The following POC1A variants were observed in gnomAD, a reference collection of about 807,000 sequenced individuals.
The protein encoded by POC1A is POC1 centriolar protein homolog A.
Under a neutral mutation model 47.8 loss-of-function variants are expected in POC1A, and 34 were observed. The ratio of observed to expected loss-of-function variants is 0.71; its 90% CI spans 0.54 to 0.95. The LOEUF (loss-of-function observed/expected upper bound fraction) is 0.95, where lower values mean the gene tolerates loss of function less well. Among genes scored for constraint, POC1A ranks in the 40% least tolerant of loss-of-function variants. POC1A has a pLI of 0.00. For synonymous variants in POC1A, 177 were observed against 207.6 expected (o/e 0.85, Z 1.27); for missense variants, 466 against 528.3 (o/e 0.88, Z 1.16).
rs1698662947 is a variant in POC1A, at chr3:52,154,416, G to T, written c.-44C>A. 7.1e-7 allele frequency: 1 copy of T among 1,411,256 alleles called. No individual in the cohort carries two copies. Among genetic ancestry groups the T allele is most frequent in the Non-Finnish European group, 9.2e-7 (1 of 1,087,070 alleles). 87.4% of individuals were successfully genotyped at this position (1,411,256 alleles called of 1,614,324 possible). A position where few individuals can be genotyped will look rare whatever the true frequency, so the allele number is the denominator to read the frequency against. ...GAAGGCAGCTGCGGTGGCCGTTGCG[G>T]CCCGTTCAGTTTCCGCGCCCCCAAC... On this transcript the variant is annotated 5_prime_UTR_variant, in exon 1 of 11. Transcript: ENST00000296484.
chr3:52,097,005 G>A (rs1202541295), intron 9 of POC1A, among the ~76,000 whole-genome samples: 1 of 152,250 alleles, frequency 6.6e-6, no homozygotes, highest in East Asian at 1.9e-4. Flanking sequence ...GCCTCAGCCT[G>A]CTCTTGGAGC....
At chr3:52,101,035 A>G (rs1379306767) in intron 9 of POC1A, among the ~76,000 whole-genome samples, 2 of 150,000 alleles carry the variant, frequency 1.3e-5, no homozygotes, top group Admixed American at 6.6e-5. Flanking sequence ...AGGGAGACAG[A>G]GTCTGCTTAA....
At chr3:52,100,335 G>T (rs537763072) in intron 9 of POC1A, among the ~76,000 whole-genome samples, 1 of 152,328 alleles carries the variant, frequency 6.6e-6, no homozygotes, top group Non-Finnish European at 1.5e-5. Context: ...AATTGACCGT[G>T]ATCTCCCTCT....
At chr3:52,150,868 G>C in intron 2 of POC1A, 148 bp downstream of exon 2, 1 of 680,954 alleles carries the variant, frequency 1.5e-6, no homozygotes, top group Non-Finnish European at 2.6e-6. Context: ...AGTGCCCAAA[G>C]AGCTGGCAAG....
Position 52,084,352 on chromosome 3 carries a change from C to G in POC1A, c.1126-8367G>C, listed in dbSNP as rs1461012121. Among the ~76,000 whole-genome samples the G allele has an allele frequency of 6.6e-6, 1 of 152,186 alleles. No homozygotes were observed. Among genetic ancestry groups the G allele is most frequent in the Non-Finnish European group, 1.5e-5 (1 of 68,034 alleles). On this transcript the variant is annotated intron_variant, in intron 10 of 10. Transcript: ENST00000296484. The surrounding 1 kb of genome is among the most constrained non-coding windows in gnomAD (Gnocchi z 4.3). ...GCAAACATGGCAGGGAAGCTGGAGC[C>G]GTAACTTCTCCAAAACTGAGGAGTT...
At chr3:52,131,664 C>G (rs992427712) in intron 7 of POC1A, among the ~76,000 whole-genome samples, 2 of 152,192 alleles carry the variant, frequency 1.3e-5, no homozygotes, top group Admixed American at 6.5e-5. Context: ...AGCAAACCCA[C>G]GAGGGCAGCT....
At chr3:52,109,489 AAAC>A (rs1703306688) in intron 9 of POC1A, among the ~76,000 whole-genome samples, 1 of 152,040 alleles carries the variant, frequency 6.6e-6, no homozygotes, top group Non-Finnish European at 1.5e-5. Flanking sequence ...TAATTAAAAC[AAAC>A]AAACAAAAAA....
chr3:52,099,110 C>T (rs550871092), intron 9 of POC1A, among the ~76,000 whole-genome samples: 2 of 152,290 alleles, frequency 1.3e-5, no homozygotes, highest in African/African-American at 2.4e-5. Context: ...ATGCTTTTTG[C>T]GTCACTTCCC....
intron 10 of POC1A, among the ~76,000 whole-genome samples, chr3:52,095,590 C>G (rs548101503): frequency 6.6e-6 from 1 of 151,982 alleles, no homozygotes; most frequent in Middle Eastern, 3.2e-3. Context: ...CTTGCAGCCT[C>G]GCTCTACCCA....
chr3:52,100,736 C>T (rs943596090), intron 9 of POC1A, among the ~76,000 whole-genome samples: 3 of 152,078 alleles, frequency 2.0e-5, no homozygotes, highest in Non-Finnish European at 1.5e-5. Flanking sequence ...CTCCACAGAC[C>T]TCCACTGGGC....
Position 52,136,204 on chromosome 3 carries a change from A to G in POC1A, c.813+1965T>C, listed in dbSNP as rs577064555. 9.9e-5 allele frequency among the ~76,000 whole-genome samples: 15 copies of G among 152,222 alleles called. No homozygotes were observed. In the South Asian group the frequency reaches 3.1e-3, roughly 32 times the overall value. On this transcript the variant is annotated intron_variant, in intron 7 of 10. Transcript: ENST00000296484. Reference sequence around the variant, plus strand: ...AACCCTTAAAACTTGTGGTAAATCAATCCTAAGTTCCTGTATTTGATAGGG... The same window carrying G: ...AACCCTTAAAACTTGTGGTAAATCAGTCCTAAGTTCCTGTATTTGATAGGG...
intron 7 of POC1A, among the ~76,000 whole-genome samples, chr3:52,133,101 GT>G (rs927518056): frequency 6.6e-6 from 1 of 152,148 alleles, no homozygotes; most frequent in African/African-American, 2.4e-5. Context: ...GTTGGGAGGT[GT>G]GGCCTTTGGG....
At chr3:52,110,025 G>A (rs1163663459) in intron 9 of POC1A, among the ~76,000 whole-genome samples, 1 of 151,976 alleles carries the variant, frequency 6.6e-6, no homozygotes, top group Non-Finnish European at 1.5e-5. Flanking sequence ...TGACAAATAA[G>A]GCCAGAAGGT....
rs764617594 is a variant in POC1A at position 52,154,394 on chromosome 3, G to T, written c.-22C>A. 3 of 1,460,214 alleles carry T rather than the reference G, an allele frequency of 2.1e-6. No homozygotes were observed. The African/African-American group carries it at 4.5e-5, about 22-fold the overall frequency. 90.5% of individuals were successfully genotyped at this position (1,460,214 alleles called of 1,614,324 possible). A position where few individuals can be genotyped will look rare whatever the true frequency, so the allele number is the denominator to read the frequency against. On this transcript the variant is annotated 5_prime_UTR_variant, in exon 1 of 11. Coordinates refer to ENST00000296484, the MANE Select transcript of POC1A (RefSeq NM_015426.5). ...CCATGGCGGGGCTGGCGGCGCCGAA[G>T]GCAGCTGCGGTGGCCGTTGCGGCCC...
chr3:52,091,710 C>T (rs1163009118), intron 10 of POC1A, among the ~76,000 whole-genome samples: 2 of 152,230 alleles, frequency 1.3e-5, no homozygotes, highest in South Asian at 4.1e-4. Flanking sequence ...GGAATGTCCA[C>T]TCCTGTCATT....
At chr3:52,103,910 A>G (rs1210283160) in intron 9 of POC1A, among the ~76,000 whole-genome samples, 1 of 152,240 alleles carries the variant, frequency 6.6e-6, no homozygotes, top group South Asian at 2.1e-4. Context: ...GTAAGATGGC[A>G]TAACCATTTT....
chr3:52,109,060 C>T (rs1438265965), intron 9 of POC1A, among the ~76,000 whole-genome samples: 1 of 152,170 alleles, frequency 6.6e-6, no homozygotes, highest in African/African-American at 2.4e-5. Context: ...CAAGACAGCT[C>T]CAGGCCAAAG....
chr3:52,122,009 C>T (rs1360713648), intron 9 of POC1A, among the ~76,000 whole-genome samples: 1 of 152,184 alleles, frequency 6.6e-6, no homozygotes, highest in Non-Finnish European at 1.5e-5. Flanking sequence ...GCTTCAGGCC[C>T]TGAACCCTCT....
At chr3:52,118,969 A>C (rs1013487098) in intron 9 of POC1A, among the ~76,000 whole-genome samples, 1 of 152,114 alleles carries the variant, frequency 6.6e-6, no homozygotes, top group African/African-American at 2.4e-5. Flanking sequence ...CCAATTTTTA[A>C]GTGAAGAAAA....
Sources: gnomAD v4.1 joint callset for allele counts (sites outside exome capture counted in the v4.1 genomes callset) on GRCh38, gnomAD v4.1.1 for gene constraint, Gnocchi (gnomAD v3.1) non-coding constraint, MANE v1.5 for transcripts, NCBI Gene and HGNC (gene_info 2026-07-23, HGNC 2026-07-21) for gene names.